DRC2: variants seen among roughly 807,000 people sequenced by gnomAD.
The protein encoded by DRC2 is coiled-coil domain containing 65.
the DRC2 span, among the ~76,000 whole-genome samples, chr12:48,904,701 C>T: frequency 1.3e-5 from 2 of 152,146 alleles, no homozygotes; most frequent in African/African-American, 4.8e-5. Context: ...GAACTGGGAC[C>T]GTAGGTCCTG....
chr12:48,913,853 C>G, the DRC2 span, among the ~76,000 whole-genome samples: 1 of 151,690 alleles, frequency 6.6e-6, no homozygotes, highest in Non-Finnish European at 1.5e-5. Context: ...GTCTTGAACT[C>G]CTGACCTCAT....
the DRC2 span, among the ~76,000 whole-genome samples, chr12:48,915,337 C>T: frequency 0.32 from 46,075 of 143,750 alleles, 8,126 homozygotes; most frequent in Admixed American, 0.46. Context: ...TGCCTTCAAG[C>T]ATCTGTTTAA....
chr12:48,907,393 G>A, the DRC2 span, among the ~76,000 whole-genome samples: 21 of 152,066 alleles, frequency 1.4e-4, no homozygotes, highest in Non-Finnish European at 2.9e-4. Context: ...ATGGGTTAAG[G>A]GAAGCTGAGT....
At chr12:48,919,819 A>G in the DRC2 span, among the ~76,000 whole-genome samples, 8 of 151,354 alleles carry the variant, frequency 5.3e-5, no homozygotes, top group African/African-American at 1.7e-4. Context: ...TCTGGTCTAC[A>G]TTTTAAATTG....
the DRC2 span, among the ~76,000 whole-genome samples, chr12:48,912,538 G>A: frequency 6.6e-6 from 1 of 151,640 alleles, no homozygotes; most frequent in African/African-American, 2.4e-5. Context: ...ATTCTAAGGG[G>A]CGGGAAGCAG....
At chr12:48,904,895 T>C in the DRC2 span, 1 of 1,452,618 alleles carries the variant, frequency 6.9e-7, no homozygotes, top group Non-Finnish European at 9.4e-7. Context: ...ATCTTGTTTG[T>C]TGTACTGAAA....
At chr12:48,906,717 C>T in the DRC2 span, among the ~76,000 whole-genome samples, 1 of 151,922 alleles carries the variant, frequency 6.6e-6, no homozygotes, top group South Asian at 2.1e-4. Context: ...AGGCGCCCAC[C>T]ACCAAGCCCA....
chr12:48,918,680 T>C, the DRC2 span: 3 of 1,612,692 alleles, frequency 1.9e-6, no homozygotes, highest in South Asian at 1.1e-5. Context: ...ACTCTGTTCC[T>C]CTAGGATGCC....
chr12:48,913,791 G>A, the DRC2 span, among the ~76,000 whole-genome samples: 1 of 151,064 alleles, frequency 6.6e-6, no homozygotes, highest in African/African-American at 2.4e-5. Flanking sequence ...CACCGCACCC[G>A]GCATTTTTGT....
At chr12:48,910,873 T>C in the DRC2 span, among the ~76,000 whole-genome samples, 3 of 152,104 alleles carry the variant, frequency 2.0e-5, no homozygotes, top group Non-Finnish European at 4.4e-5. Context: ...GGTAAAACCC[T>C]GTCTCTACTA....
At chr12:48,921,032 G>A in the DRC2 span, 1 of 1,613,392 alleles carries the variant, frequency 6.2e-7, no homozygotes, top group South Asian at 1.1e-5. Context: ...TAAGGAGCAG[G>A]AGGGGATTCA....
the DRC2 span, chr12:48,921,507 A>G: frequency 1.3e-6 from 2 of 1,508,242 alleles, no homozygotes; most frequent in Non-Finnish European, 1.8e-6. Flanking sequence ...AAATCTTTCA[A>G]CTCCTAGAGA....
the DRC2 span, chr12:48,921,104 G>A: frequency 1.5e-4 from 246 of 1,609,878 alleles, 2 homozygotes; most frequent in Admixed American, 1.5e-4. Flanking sequence ...GGGATGGTGG[G>A]GCATTGGGCA....
At chr12:48,916,534 A>G in the DRC2 span, among the ~76,000 whole-genome samples, 1 of 152,216 alleles carries the variant, frequency 6.6e-6, no homozygotes, top group Non-Finnish European at 1.5e-5. Context: ...GGTTGCAGTG[A>G]GCCGAGATGG....
chr12:48,910,545 T>A, the DRC2 span, among the ~76,000 whole-genome samples: 1 of 152,300 alleles, frequency 6.6e-6, no homozygotes, highest in South Asian at 2.1e-4. Context: ...TTTAATCTTG[T>A]TTTACTTTTT....
chr12:48,905,102 A>G, the DRC2 span: 1 of 1,606,798 alleles, frequency 6.2e-7, no homozygotes, highest in Admixed American at 1.7e-5. Context: ...CTGTAAGGAC[A>G]ATGTCATCAA....
chr12:48,911,961 TA>T, the DRC2 span, among the ~76,000 whole-genome samples: 18 of 144,950 alleles, frequency 1.2e-4, no homozygotes, highest in South Asian at 2.3e-4. Flanking sequence ...ATAACTGATT[TA>T]AAAAAAAAAA....
chr12:48,916,631 G>GGGGATAGGGAGA, the DRC2 span, among the ~76,000 whole-genome samples: 2 of 148,906 alleles, frequency 1.3e-5, no homozygotes, highest in African/African-American at 4.9e-5. Flanking sequence ...GGGAGACCAT[G>GGGGATAGGGAGA]GGGAGAGGGA....
the DRC2 span, among the ~76,000 whole-genome samples, chr12:48,908,080 T>G: frequency 6.6e-6 from 1 of 152,204 alleles, no homozygotes; most frequent in East Asian, 1.9e-4. Context: ...GACTACAGGC[T>G]CTCACTATGA....
Sources: gnomAD v4.1 joint callset for allele counts (sites outside exome capture counted in the v4.1 genomes callset) on GRCh38, gnomAD v4.1.1 for gene constraint, MANE v1.5 for transcripts, NCBI Gene and HGNC (gene_info 2026-07-23, HGNC 2026-07-21) for gene names.